Variants in DMD observed in about 807,000 individuals in gnomAD.
The protein encoded by DMD is mutant dystrophin.
Under a neutral mutation model 330.1 loss-of-function variants are expected in DMD, and 63 were observed. The ratio of observed to expected loss-of-function variants is 0.19; its 90% confidence interval spans 0.16 to 0.24. The LOEUF (loss-of-function observed/expected upper bound fraction) is 0.24. DMD is among the 10% of genes least tolerant of loss of function. The pLI, the probability that DMD is intolerant of heterozygous loss-of-function variation, is 1.00. For synonymous variants in DMD, 1,223 were observed against 959.8 expected (o/e 1.27, Z -5.07); for missense variants, 3,344 against 2,684.1 (o/e 1.25, Z -5.43).
chrX:31,909,697 G>T (rs773316639), intron 47 of DMD, among the ~76,000 whole-genome samples: 1 of 111,685 alleles, frequency 9.0e-6, no homozygotes, highest in African/African-American at 3.2e-5. Context: ...TTCACAGAAG[G>T]TGAAGATTCA....
intron 7 of DMD, among the ~76,000 whole-genome samples, chrX:32,733,097 G>T: frequency 9.3e-6 from 1 of 107,319 alleles, no homozygotes; most frequent in East Asian, 2.9e-4. Flanking sequence ...AACAAAAAAA[G>T]GCAGGGGTTG....
intron 1 of DMD, among the ~76,000 whole-genome samples, chrX:33,181,016 G>T (rs1262715871): frequency 1.8e-5 from 2 of 109,525 alleles, no homozygotes; most frequent in African/African-American, 3.3e-5. Context: ...TTCTTAAACT[G>T]GTTTGCTAGG....
chrX:31,265,637 T>C (rs1257238485), intron 62 of DMD, among the ~76,000 whole-genome samples: 1 of 110,392 alleles, frequency 9.1e-6, no homozygotes, highest in East Asian at 2.8e-4. Context: ...AATTCCACGG[T>C]GTTCAAGGGT....
At chrX:32,157,651 G>A (rs1177722717) in intron 44 of DMD, among the ~76,000 whole-genome samples, 1 of 111,925 alleles carries the variant, frequency 8.9e-6, no homozygotes, top group African/African-American at 3.3e-5. Flanking sequence ...CTCTCTAACT[G>A]CAGATTTTAC....
chrX:33,072,479 A>T (rs1389568958), intron 1 of DMD, among the ~76,000 whole-genome samples: 1 of 112,414 alleles, frequency 8.9e-6, no homozygotes, highest in African/African-American at 3.2e-5. Flanking sequence ...CAAGGATTTC[A>T]CATAACCTCT....
intron 7 of DMD, among the ~76,000 whole-genome samples, chrX:32,726,811 C>T (rs1486016370): frequency 1.8e-5 from 2 of 109,855 alleles, no homozygotes; most frequent in African/African-American, 3.3e-5. Flanking sequence ...ATCACATATT[C>T]AAAGAAATTA....
At chrX:31,606,959 G>A (rs1024565042) in intron 55 of DMD, among the ~76,000 whole-genome samples, 2 of 111,970 alleles carry the variant, frequency 1.8e-5, no homozygotes, top group African/African-American at 6.5e-5. Flanking sequence ...TGTGCAGACT[G>A]AGCATTTTCA....
At chrX:32,014,441 C>A (rs1338286818) in intron 44 of DMD, among the ~76,000 whole-genome samples, 1 of 111,232 alleles carries the variant, frequency 9.0e-6, no homozygotes, top group Non-Finnish European at 1.9e-5. Flanking sequence ...TGGGCCTCGA[C>A]CAAATCAAGT....
chrX:32,377,336 G>A (rs188520542), intron 34 of DMD, among the ~76,000 whole-genome samples: 1 of 111,893 alleles, frequency 8.9e-6, no homozygotes, highest in Admixed American at 9.5e-5. Context: ...TAGCCCAACT[G>A]TGTTTTCAAA....
At chrX:31,815,955 C>T (rs1165971948) in intron 50 of DMD, among the ~76,000 whole-genome samples, 1 of 111,896 alleles carries the variant, frequency 8.9e-6, no homozygotes, top group African/African-American at 3.2e-5. Context: ...CAAGGTTCTG[C>T]AACCAACAGC....
intron 63 of DMD, among the ~76,000 whole-genome samples, chrX:31,257,790 C>G (rs985348185): frequency 7.2e-5 from 8 of 111,874 alleles, no homozygotes; most frequent in African/African-American, 2.6e-4. Flanking sequence ...AGTAAAAATA[C>G]AAAAATTAGC....
chrX:32,419,462 G>A (rs962978720), intron 29 of DMD, among the ~76,000 whole-genome samples: 2 of 112,393 alleles, frequency 1.8e-5, no homozygotes, highest in East Asian at 5.6e-4. Context: ...CTTTGGTACA[G>A]TGGTTTTTCC....
At chrX:32,657,887 A>G (rs933887247) in intron 9 of DMD, among the ~76,000 whole-genome samples, 1 of 111,489 alleles carries the variant, frequency 9.0e-6, no homozygotes, top group African/African-American at 3.3e-5. Flanking sequence ...TCATTTATAA[A>G]TAGGAAAAAA....
At chrX:31,270,262 G>A (rs1238599184) in intron 62 of DMD, among the ~76,000 whole-genome samples, 2 of 107,365 alleles carry the variant, frequency 1.9e-5, no homozygotes, top group Non-Finnish European at 3.8e-5. Context: ...CAAGTGTTCC[G>A]TTTGAATGTA....
chrX:32,200,265 T>C (rs997271303), intron 44 of DMD, among the ~76,000 whole-genome samples: 1 of 111,733 alleles, frequency 8.9e-6, no homozygotes, highest in African/African-American at 3.3e-5. Flanking sequence ...CATTATTTAT[T>C]CTCCTACAAA....
intron 67 of DMD, among the ~76,000 whole-genome samples, chrX:31,198,117 A>C (rs1054808618): frequency 9.0e-6 from 1 of 110,744 alleles, no homozygotes; most frequent in African/African-American, 3.3e-5. Context: ...TCGGGGGATA[A>C]AAAAGGGATG....
chrX:32,518,997 C>CTTTTT (rs56678455), intron 17 of DMD, among the ~76,000 whole-genome samples: 5 of 42,076 alleles, frequency 1.2e-4, no homozygotes, highest in African/African-American at 2.9e-4. Context: ...ATTTTCAAAC[C>CTTTTT]TTTTTTTTTT....
chrX:31,826,996 G>T (rs975240295), intron 49 of DMD, among the ~76,000 whole-genome samples: 2 of 111,915 alleles, frequency 1.8e-5, no homozygotes, highest in African/African-American at 6.5e-5. Context: ...TATATACTTT[G>T]CTTGAAAATA....
At position 31,968,921 on chromosome X, in the gene DMD, C is replaced by T. The variant is rs1415372782; in HGVS notation, c.6439-407G>A. ...CAAAGTATTTGGGTTTCTTAGTGATCGTGGATACGAGAGGTGAAAAAGAAC... is the reference window on the plus strand; with the variant it reads ...CAAAGTATTTGGGTTTCTTAGTGATTGTGGATACGAGAGGTGAAAAAGAAC... On this transcript the variant is annotated intron_variant, in intron 44 of 78. Transcript: ENST00000357033. Among the ~76,000 whole-genome samples the T allele has an allele frequency of 3.6e-5, 4 of 110,245 alleles. No homozygotes were observed. The East Asian group carries it at 1.1e-3, about 31-fold the overall frequency.
Sources: gnomAD v4.1 joint callset for allele counts (sites outside exome capture counted in the v4.1 genomes callset) on GRCh38, gnomAD v4.1.1 for gene constraint, MANE v1.5 for transcripts, NCBI Gene and HGNC (gene_info 2026-07-23, HGNC 2026-07-21) for gene names.